Variants in STK3 observed in about 807,000 individuals in gnomAD.
STK3 encodes serine/threonine kinase 3.
STK3 carries 41 observed loss-of-function variants against 58.0 expected under a neutral mutation model. The observed-to-expected ratio is 0.71, with a 90% confidence interval of 0.55 to 0.92. The LOEUF (loss-of-function observed/expected upper bound fraction) is 0.92. STK3 is among the 40% of genes least tolerant of loss of function. The pLI, the probability that STK3 is intolerant of heterozygous loss-of-function variation, is 0.00. For synonymous variants in STK3, 170 were observed against 191.0 expected (o/e 0.89, Z 0.91); for missense variants, 479 against 602.7 (o/e 0.79, Z 2.15).
At chr8:98,680,556 A>AAGTC (rs1823557394) in intron 6 of STK3, among the ~76,000 whole-genome samples, 1 of 152,244 alleles carries the variant, frequency 6.6e-6, no homozygotes, top group East Asian at 1.9e-4. Context: ...GTTGGCTAAG[A>AAGTC]AGTCAGAAGC....
At chr8:98,696,847 G>A (rs75152092) in intron 6 of STK3, among the ~76,000 whole-genome samples, 8,445 of 152,190 alleles carry the variant, frequency 0.055, 323 homozygotes, top group Non-Finnish European at 0.087. Flanking sequence ...GTCAGGCTTT[G>A]GTATCAGGAT....
intron 3 of STK3, among the ~76,000 whole-genome samples, chr8:98,830,969 CAAAAA>C (rs760622434): frequency 3.3e-5 from 2 of 59,926 alleles, no homozygotes; most frequent in African/African-American, 1.4e-4. Context: ...GACTCTGTCT[CAAAAA>C]AAAAAAAAAA....
intron 10 of STK3, among the ~76,000 whole-genome samples, chr8:98,504,300 G>T (rs1252722027): frequency 6.6e-6 from 1 of 152,100 alleles, no homozygotes; most frequent in East Asian, 1.9e-4. Flanking sequence ...TGTGAGATGG[G>T]TCTCCTGAAT....
intron 1 of STK3, among the ~76,000 whole-genome samples, chr8:98,893,476 A>AGGAAAG (rs1554697068): frequency 4.2e-4 from 29 of 69,764 alleles, no homozygotes; most frequent in South Asian, 1.0e-3. Flanking sequence ...GAAAGAAAGA[A>AGGAAAG]AGAAAGAAAG....
chr8:98,480,031 C>G (rs752237611), intron 10 of STK3, among the ~76,000 whole-genome samples: 1 of 151,962 alleles, frequency 6.6e-6, no homozygotes, highest in Non-Finnish European at 1.5e-5. Context: ...GTGAAAATTA[C>G]CCAATCTGAA....
intron 1 of STK3, among the ~76,000 whole-genome samples, chr8:98,786,434 G>C (rs1400040084): frequency 1.3e-5 from 2 of 152,146 alleles, no homozygotes; most frequent in Non-Finnish European, 2.9e-5. Context: ...TATCGTTCTA[G>C]CTACTTGGGA....
chr8:98,828,254 G>A (rs1003857340), upstream of STK3, among the ~76,000 whole-genome samples: 1 of 151,742 alleles, frequency 6.6e-6, no homozygotes, highest in African/African-American at 2.4e-5. Flanking sequence ...GTGATTACAG[G>A]CATGAGCCAC....
chr8:98,937,531 C>A (rs1328162455), intron 1 of STK3, among the ~76,000 whole-genome samples: 1 of 152,162 alleles, frequency 6.6e-6, no homozygotes, highest in African/African-American at 2.4e-5. Flanking sequence ...TTTAACAAAA[C>A]CAAGGGGATC....
At chr8:98,392,447 C>G (rs1302125372), upstream of STK3, among the ~76,000 whole-genome samples, 1 of 152,162 alleles carries the variant, frequency 6.6e-6, no homozygotes, top group Non-Finnish European at 1.5e-5. Flanking sequence ...ATCCTCTGGG[C>G]TCCCCTCCCA....
the STK3 span, among the ~76,000 whole-genome samples, chr8:98,361,550 G>C: frequency 6.6e-6 from 1 of 152,138 alleles, no homozygotes; most frequent in Non-Finnish European, 1.5e-5. Flanking sequence ...TGACACCTCT[G>C]AGCATTACAA....
At chr8:98,422,059 C>T (rs1488515630) in intron 3 of STK3, among the ~76,000 whole-genome samples, 2 of 152,124 alleles carry the variant, frequency 1.3e-5, no homozygotes, top group African/African-American at 2.4e-5. Context: ...TCTGCCTCAT[C>T]GCTGGCCTCC....
At chr8:98,655,748 C>A (rs1448456104) in intron 6 of STK3, among the ~76,000 whole-genome samples, 2 of 152,100 alleles carry the variant, frequency 1.3e-5, no homozygotes, top group Non-Finnish European at 2.9e-5. Context: ...CTCACCATCA[C>A]TGGCCATCAG....
intron 7 of STK3, among the ~76,000 whole-genome samples, chr8:98,585,483 GT>G (rs1474437204): frequency 1.3e-5 from 2 of 151,204 alleles, no homozygotes; most frequent in Non-Finnish European, 2.9e-5. Context: ...GTACCATGCT[GT>G]TTTGGTTACT....
chr8:98,411,525 C>A (rs943234960), intron 3 of STK3, among the ~76,000 whole-genome samples: 2 of 152,252 alleles, frequency 1.3e-5, no homozygotes, highest in Non-Finnish European at 2.9e-5. Context: ...GCCTCTGCAG[C>A]CTGCCCTGCC....
At chr8:98,641,215 C>A (rs1172945465) in intron 6 of STK3, among the ~76,000 whole-genome samples, 1 of 152,064 alleles carries the variant, frequency 6.6e-6, no homozygotes, top group Non-Finnish European at 1.5e-5. Context: ...ATATTTAGCT[C>A]TTTTATTTCC....
At chr8:98,849,124 G>A (rs1836332279) in intron 3 of STK3, among the ~76,000 whole-genome samples, 1 of 151,566 alleles carries the variant, frequency 6.6e-6, no homozygotes, top group Admixed American at 6.6e-5. Flanking sequence ...TACTCAGGAG[G>A]CTGAGGCAGG....
At chr8:98,611,225 T>G (rs950602920) in intron 6 of STK3, among the ~76,000 whole-genome samples, 1 of 151,738 alleles carries the variant, frequency 6.6e-6, no homozygotes, top group Non-Finnish European at 1.5e-5. Context: ...ACAAATCAAT[T>G]TCACAAAAAT....
chr8:98,385,482 C>A (rs1435286708), intron 1 of STK3, among the ~76,000 whole-genome samples: 2 of 152,080 alleles, frequency 1.3e-5, no homozygotes, highest in Non-Finnish European at 2.9e-5. Flanking sequence ...AAGGGCCAAC[C>A]GAAGAAAGAC....
intron 10 of STK3, among the ~76,000 whole-genome samples, chr8:98,462,163 C>T (rs922175999): frequency 6.6e-6 from 1 of 152,090 alleles, no homozygotes; most frequent in African/African-American, 2.4e-5. Context: ...GTTGTGCTAT[C>T]AAATAGTAGG....
Sources: allele counts gnomAD v4.1 joint callset (sites outside exome capture counted in the v4.1 genomes callset), GRCh38; gene constraint gnomAD v4.1.1; transcripts MANE v1.5; gene names NCBI Gene and HGNC (gene_info 2026-07-23, HGNC 2026-07-21).